HESX1: variants seen among roughly 807,000 people sequenced by gnomAD.
The protein encoded by HESX1 is HESX homeobox 1.
Under a neutral mutation model 22.5 loss-of-function variants are expected in HESX1, and 11 were observed. The ratio of observed to expected loss-of-function variants is 0.49; its 90% CI spans 0.31 to 0.81. The LOEUF (loss-of-function observed/expected upper bound fraction) is 0.81, where lower values mean the gene tolerates loss of function less well. Ranked by LOEUF, HESX1 falls within the 30% of genes least tolerant of loss-of-function variation. The pLI, the probability that HESX1 is intolerant of heterozygous loss-of-function variation, is 0.05. For synonymous variants in HESX1, 74 were observed against 76.5 expected, an observed-to-expected ratio of 0.97 and a Z score of 0.17; for missense variants, 201 against 212.6, an observed-to-expected ratio of 0.95 and a Z score of 0.34.
intron 2 of HESX1, 101 bp from the exon 3 acceptor site, chr3:57,198,593 C>A (rs891498104): frequency 7.2e-5 from 73 of 1,015,340 alleles, no homozygotes; most frequent in Non-Finnish European, 9.9e-5. Context: ...AATCTGGATG[C>A]CTTTTTAAAA....
At chr3:57,209,798 A>G (rs1579358195) in intron 1 of HESX1, among the ~76,000 whole-genome samples, 1 of 152,222 alleles carries the variant, frequency 6.6e-6, no homozygotes, top group Non-Finnish European at 1.5e-5. Context: ...GTTTCTAATA[A>G]ATGCTGTTTA....
At chr3:57,225,596 C>T (rs2060637159) in intron 1 of HESX1, among the ~76,000 whole-genome samples, 1 of 152,168 alleles carries the variant, frequency 6.6e-6, no homozygotes, top group Non-Finnish European at 1.5e-5. Flanking sequence ...CTGCCTCAGC[C>T]TCCCAAAGTG....
chr3:57,216,403 C>T (rs1301674239), intron 1 of HESX1, among the ~76,000 whole-genome samples: 1 of 152,088 alleles, frequency 6.6e-6, no homozygotes, highest in East Asian at 1.9e-4. Context: ...ATCACTTGAG[C>T]CCAGCAGTTA....
At chr3:57,201,583 T>C (rs2060486659), upstream of HESX1, among the ~76,000 whole-genome samples, 1 of 149,914 alleles carries the variant, frequency 6.7e-6, no homozygotes, top group Non-Finnish European at 1.5e-5. Flanking sequence ...CAAATAATAA[T>C]TATAGGTAAA....
chr3:57,223,474 CATCAAG>C (rs1432270773), intron 1 of HESX1, among the ~76,000 whole-genome samples: 1 of 151,948 alleles, frequency 6.6e-6, no homozygotes, highest in Non-Finnish European at 1.5e-5. Context: ...GTAAAAGTGA[CATCAAG>C]GTCAAGGTCA....
At position 57,199,795 on chromosome 3, in the gene HESX1, G is replaced by A. The variant is rs761470587; in HGVS notation, c.124C>T (p.His42Tyr). The A allele has an allele frequency of 3.2e-5, 51 of 1,613,944 alleles. No homozygotes were observed. In the Middle Eastern group the frequency reaches 6.6e-4, roughly 21 times the overall value. ...KKDCVPLMKP[H>Y]RPWADTCSSS... ...CTGCAGGTGTCTGCCCAGGGCCTGT[G>A]GGGTTTCATTAATGGAACACAGTCT... Residue 42 changes from histidine (H) to tyrosine (Y), a missense_variant, in exon 1 of 4, where the codon CAC becomes TAC. Coordinates refer to ENST00000295934, the MANE Select transcript of HESX1 (RefSeq NM_003865.3).
chr3:57,209,686 AAAAAG>A (rs1559500131), intron 1 of HESX1, among the ~76,000 whole-genome samples: 5 of 151,726 alleles, frequency 3.3e-5, no homozygotes, highest in Admixed American at 2.0e-4. Context: ...AAAAAAAAAA[AAAAAG>A]AAAAGAAAAT....
intron 1 of HESX1, among the ~76,000 whole-genome samples, chr3:57,210,511 C>T (rs1325829423): frequency 6.6e-6 from 1 of 152,170 alleles, no homozygotes; most frequent in African/African-American, 2.4e-5. Flanking sequence ...CCCTTCCTTA[C>T]TTTTGCATAG....
chr3:57,212,498 G>A (rs2060560971), intron 1 of HESX1, among the ~76,000 whole-genome samples: 1 of 146,810 alleles, frequency 6.8e-6, no homozygotes, highest in South Asian at 2.1e-4. Context: ...GGTAGAGGTT[G>A]TAGTGGGCCA....
chr3:57,208,941 C>CAA (rs1320969522), intron 1 of HESX1, among the ~76,000 whole-genome samples: 1 of 150,668 alleles, frequency 6.6e-6, no homozygotes, highest in African/African-American at 2.4e-5. Context: ...GCCTGGGTGA[C>CAA]AGAGTGAGAC....
In HESX1 at chr3:57,199,808, T is replaced by C. The variant is rs749969274; in HGVS notation, c.111A>G (p.Pro37=). ...LGLDQKKDCV[P]LMKPHRPWAD... ...CCCAGGGCCTGTGGGGTTTCATTAA[T>C]GGAACACAGTCTTTCTTCTGGTCCA... The change falls in exon 1 of 4, where the codon CCA becomes CCG. Residue 37 remains proline (P), a synonymous_variant. Transcript: ENST00000295934. 4 of 1,614,014 alleles carry C rather than the reference T, an allele frequency of 2.5e-6. No individual in the cohort carries two copies. The African/African-American group carries it at 5.3e-5, about 22-fold the overall frequency.
chr3:57,214,963 T>C (rs1178320877), intron 1 of HESX1, among the ~76,000 whole-genome samples: 1 of 152,152 alleles, frequency 6.6e-6, no homozygotes, highest in Non-Finnish European at 1.5e-5. Context: ...TATACACAAA[T>C]GGGCAAGTAT....
At chr3:57,212,534 G>A (rs1186458502) in intron 1 of HESX1, among the ~76,000 whole-genome samples, 1 of 126,068 alleles carries the variant, frequency 7.9e-6, no homozygotes, top group Non-Finnish European at 1.6e-5. Flanking sequence ...ACTCCAGCCT[G>A]GGGACAGAGC....
At chr3:57,203,216 A>G (rs2060500130), upstream of HESX1, among the ~76,000 whole-genome samples, 1 of 152,216 alleles carries the variant, frequency 6.6e-6, no homozygotes, top group Non-Finnish European at 1.5e-5. Flanking sequence ...TATTCAACAC[A>G]TAATTTGCTA....
chr3:57,203,483 C>T (rs939323761), upstream of HESX1, among the ~76,000 whole-genome samples: 1 of 152,264 alleles, frequency 6.6e-6, no homozygotes, highest in South Asian at 2.1e-4. Context: ...CAGTATACCT[C>T]CTACCTCCTG....
At chr3:57,206,135 G>A (rs1002012807) in intron 1 of HESX1, among the ~76,000 whole-genome samples, 8 of 152,290 alleles carry the variant, frequency 5.3e-5, no homozygotes, top group Non-Finnish European at 1.0e-4. Context: ...AGGTGGCAGT[G>A]AGCCGAGATC....
chr3:57,224,101 T>C (rs544208477), intron 1 of HESX1, among the ~76,000 whole-genome samples: 1 of 152,300 alleles, frequency 6.6e-6, no homozygotes, highest in Non-Finnish European at 1.5e-5. Context: ...CAAGCGATTC[T>C]CCTGCCTCAG....
upstream of HESX1, among the ~76,000 whole-genome samples, chr3:57,203,667 G>T (rs2060503115): frequency 6.6e-6 from 1 of 152,086 alleles, no homozygotes; most frequent in South Asian, 2.1e-4. Context: ...TGATTCTCCT[G>T]CTTCAGCCTC....
upstream of HESX1, among the ~76,000 whole-genome samples, chr3:57,201,706 CCT>C (rs2107568044): frequency 6.6e-6 from 1 of 151,300 alleles, no homozygotes; most frequent in South Asian, 2.1e-4. Flanking sequence ...TCACTGAGCC[CCT>C]GAGCCCCGCA....
Sources: allele counts gnomAD v4.1 joint callset (sites outside exome capture counted in the v4.1 genomes callset), GRCh38; gene constraint gnomAD v4.1.1; transcripts MANE v1.5; gene names NCBI Gene and HGNC (gene_info 2026-07-23, HGNC 2026-07-21).